KDM4C: variants seen among roughly 807,000 people sequenced by gnomAD.
KDM4C encodes lysine-specific demethylase 4C.
A neutral mutation model predicts 129.3 loss-of-function variants in KDM4C; 81 were observed. The observed-to-expected ratio is 0.63, with a 90% CI of 0.52 to 0.75. The LOEUF is 0.75. Among genes scored for constraint, KDM4C ranks in the 30% least tolerant of loss-of-function variants. KDM4C has a pLI of 0.00. For missense variants in KDM4C, 1,457 were observed against 1,304.0 expected, an observed-to-expected ratio of 1.12 and a Z score of -1.81; for synonymous variants, 573 against 456.1, an observed-to-expected ratio of 1.26 and a Z score of -3.26.
chr9:7,058,497 A>G (rs970483375), intron 17 of KDM4C, among the ~76,000 whole-genome samples: 1 of 152,202 alleles, frequency 6.6e-6, no homozygotes, highest in Admixed American at 6.5e-5. Context: ...ATTCTTGAAG[A>G]TCTAGCAGTC....
chr9:6,915,655 G>A (rs1480882506), intron 8 of KDM4C, among the ~76,000 whole-genome samples: 1 of 152,120 alleles, frequency 6.6e-6, no homozygotes, highest in African/African-American at 2.4e-5. Context: ...GACTGCTTTT[G>A]TTTTTCTTTC....
chr9:6,778,113 A>C (rs1350703015), intron 1 of KDM4C, among the ~76,000 whole-genome samples: 22 of 142,312 alleles, frequency 1.5e-4, no homozygotes, highest in Non-Finnish European at 2.8e-4. Flanking sequence ...TTTTTGAGAC[A>C]GAGTCTTGCT....
At chr9:6,896,740 G>A (rs1168612590) in intron 8 of KDM4C, among the ~76,000 whole-genome samples, 1 of 152,134 alleles carries the variant, frequency 6.6e-6, no homozygotes, top group African/African-American at 2.4e-5. Context: ...TATCTGCTGT[G>A]TGCCAGGCAT....
At chr9:7,147,982 G>A (rs1842369636) in intron 19 of KDM4C, among the ~76,000 whole-genome samples, 1 of 152,216 alleles carries the variant, frequency 6.6e-6, no homozygotes, top group Non-Finnish European at 1.5e-5. Context: ...TCCCGTGCCT[G>A]CCAAGGGCAA....
intron 15 of KDM4C, among the ~76,000 whole-genome samples, chr9:7,032,479 C>T (rs1413041818): frequency 2.0e-5 from 3 of 152,186 alleles, no homozygotes; most frequent in South Asian, 2.1e-4. Context: ...GTTTCATTTT[C>T]GAACTTTGGA....
At chr9:7,132,498 C>T (rs1295340481) in intron 19 of KDM4C, among the ~76,000 whole-genome samples, 4 of 152,176 alleles carry the variant, frequency 2.6e-5, no homozygotes, top group Non-Finnish European at 4.4e-5. Context: ...CTCAACAATG[C>T]ACCTGCAAAA....
At chr9:6,914,633 A>G (rs1262506005) in intron 8 of KDM4C, among the ~76,000 whole-genome samples, 3 of 152,246 alleles carry the variant, frequency 2.0e-5, no homozygotes, top group South Asian at 4.1e-4. Flanking sequence ...CTTAAACCCC[A>G]ATACACTAGT....
intron 8 of KDM4C, among the ~76,000 whole-genome samples, chr9:6,950,764 T>C (rs10975930): frequency 0.74 from 111,781 of 152,066 alleles, 41,516 homozygotes; most frequent in East Asian, 1. Flanking sequence ...TATGGTTAAC[T>C]AACTAATAAA....
intron 12 of KDM4C, among the ~76,000 whole-genome samples, chr9:6,994,172 C>G (rs528883670): frequency 6.6e-6 from 1 of 152,184 alleles, no homozygotes; most frequent in Admixed American, 6.5e-5. Context: ...GAGTATAATG[C>G]CACTGCTGAT....
Position 6,781,093 on chromosome 9 carries a change from T to C in KDM4C, c.-17-11879T>C, listed in dbSNP as rs1269950248. Among the ~76,000 whole-genome samples the C allele has an allele frequency of 1.4e-4, 21 of 152,132 alleles. 1 individual carries two copies. Among genetic ancestry groups the C allele is most frequent in the Admixed American group, 1.4e-3 (21 of 15,248 alleles). On this transcript the variant is annotated intron_variant, in intron 1 of 21. Transcript: ENST00000381309. ...TCTCTAGTTCTGAGTCCCGGGGAAG[T>C]GATTGTGCCAGGCTAGTCAATTGTA... is the stretch of plus-strand genomic sequence containing the variant.
chr9:7,060,451 G>GTTATTATTATTATTA (rs1164003659), intron 17 of KDM4C, among the ~76,000 whole-genome samples: 5 of 138,226 alleles, frequency 3.6e-5, no homozygotes, highest in African/African-American at 5.2e-5. Flanking sequence ...TAGCAGTATT[G>GTTATTATTATTATTA]TTGTTATTAT....
intron 1 of KDM4C, among the ~76,000 whole-genome samples, chr9:6,769,894 T>C (rs1460265740): frequency 6.6e-6 from 1 of 152,196 alleles, no homozygotes; most frequent in Non-Finnish European, 1.5e-5. Context: ...TAAAACCATG[T>C]GTTACGCCAT....
At chr9:7,034,571 C>G (rs1264213354) in intron 15 of KDM4C, among the ~76,000 whole-genome samples, 3 of 152,170 alleles carry the variant, frequency 2.0e-5, no homozygotes, top group African/African-American at 7.2e-5. Context: ...CTTTATTCAT[C>G]TTTCATTGGA....
chr9:7,157,847 T>C (rs1354693244), intron 19 of KDM4C, among the ~76,000 whole-genome samples: 1 of 152,206 alleles, frequency 6.6e-6, no homozygotes, highest in Admixed American at 6.5e-5. Flanking sequence ...CAGGCTTTGG[T>C]ATCAGGATGA....
At chr9:6,791,805 C>A (rs1009090049) in intron 1 of KDM4C, among the ~76,000 whole-genome samples, 2 of 152,044 alleles carry the variant, frequency 1.3e-5, no homozygotes, top group Non-Finnish European at 2.9e-5. Context: ...GGTGGATCAC[C>A]TGAGGTCGGG....
In KDM4C at chr9:6,880,009, T is replaced by C; in HGVS notation, c.630-3T>C. 1 of 1,546,480 alleles carries C rather than the reference T, an allele frequency of 6.5e-7. No individual in the cohort carries two copies. Among genetic ancestry groups the C allele is most frequent in the East Asian group, 2.3e-5 (1 of 44,344 alleles). On this transcript the variant is annotated splice_region_variant and splice_polypyrimidine_tract_variant and intron_variant, in intron 5 of 21. Transcript: ENST00000381309. Reference sequence around the variant, plus strand: ...AAATTTTTACTTATGTTTAAAATTTTAGGTATGCTATACCTCCGGAGCATG... The same window carrying C: ...AAATTTTTACTTATGTTTAAAATTTCAGGTATGCTATACCTCCGGAGCATG...
intron 19 of KDM4C, among the ~76,000 whole-genome samples, chr9:7,133,464 G>A (rs1840859400): frequency 6.6e-6 from 1 of 152,140 alleles, no homozygotes; most frequent in Admixed American, 6.5e-5. Flanking sequence ...TATTTTTTCA[G>A]TGTTATTTCA....
intron 1 of KDM4C, among the ~76,000 whole-genome samples, chr9:6,775,947 A>G (rs1366767944): frequency 6.6e-6 from 1 of 152,216 alleles, no homozygotes; most frequent in Non-Finnish European, 1.5e-5. Context: ...TCTTGTGACA[A>G]AAATGTCTCC....
In KDM4C at chr9:7,162,627, C is replaced by G. The variant is rs188463340; in HGVS notation, c.2782-2611C>G. Among the ~76,000 whole-genome samples, 174 of 152,218 alleles carry G rather than the reference C, an allele frequency of 1.1e-3. 1 individual carries two copies. Among genetic ancestry groups the G allele is most frequent in the African/African-American group, 4.0e-3 (166 of 41,548 alleles). On this transcript the variant is annotated intron_variant, in intron 19 of 21. Transcript: ENST00000381309. Reference sequence around the variant, plus strand: ...CCACGTTTCCATGTCCCTCAGCTCTCCTTGGTGATATGGTACCTAAAATTG... The same window carrying G: ...CCACGTTTCCATGTCCCTCAGCTCTGCTTGGTGATATGGTACCTAAAATTG...
Sources: allele counts gnomAD v4.1 joint callset (sites outside exome capture counted in the v4.1 genomes callset), GRCh38; gene constraint gnomAD v4.1.1; transcripts MANE v1.5; gene names NCBI Gene and HGNC (gene_info 2026-07-23, HGNC 2026-07-21).